The following OXR1 variants were observed in gnomAD, a reference collection of about 807,000 sequenced individuals.
The protein encoded by OXR1 is oxidation resistance protein 1.
In OXR1, 41 loss-of-function variants were observed where a neutral mutation model predicts 104.6. The ratio of observed to expected loss-of-function variants is 0.39; its 90% CI spans 0.31 to 0.51. OXR1 has a LOEUF of 0.51. OXR1 is among the 20% of genes least tolerant of loss of function. OXR1 has a pLI of 0.77. For missense variants in OXR1, 955 were observed against 1,031.9 expected, an observed-to-expected ratio of 0.93 and a Z score of 1.02; for synonymous variants, 348 against 348.4, an observed-to-expected ratio of 1.00 and a Z score of 0.01.
chr8:106,671,785 A>G (rs1827010580), intron 3 of OXR1, among the ~76,000 whole-genome samples: 1 of 128,934 alleles, frequency 7.8e-6, no homozygotes, highest in African/African-American at 3.0e-5. Flanking sequence ...ACTTGGACAC[A>G]GGAAGGGGAA....
At chr8:106,572,876 A>T (rs1817574342) in intron 3 of OXR1, among the ~76,000 whole-genome samples, 2 of 152,118 alleles carry the variant, frequency 1.3e-5, no homozygotes, top group Non-Finnish European at 2.9e-5. Context: ...ATTATAAGGA[A>T]TTGGCTAATG....
In OXR1 at chr8:106,446,595, G is replaced by C. The variant is rs1177594826; in HGVS notation, c.24-72348G>C. On this transcript the variant is annotated intron_variant, in intron 2 of 16. Transcript: ENST00000517566. The stretch of plus-strand genomic sequence containing the variant: ...ATAGCATCACTGCACTCCAGGCTGG[G>C]CAACAGAGCAAGACTCCATCTCAAA... 2.0e-5 allele frequency among the ~76,000 whole-genome samples: 3 copies of C among 151,286 alleles called. No individual in the cohort carries two copies. In the East Asian group the frequency reaches 5.8e-4, roughly 29 times the overall value.
At chr8:106,688,330 G>A (rs1451009133) in intron 6 of OXR1, among the ~76,000 whole-genome samples, 2 of 151,778 alleles carry the variant, frequency 1.3e-5, no homozygotes, top group Non-Finnish European at 2.9e-5. Context: ...ATAAAACATG[G>A]TATAATACTC....
At chr8:106,635,513 T>C (rs1823055864) in intron 3 of OXR1, among the ~76,000 whole-genome samples, 1 of 152,174 alleles carries the variant, frequency 6.6e-6, no homozygotes, top group Non-Finnish European at 1.5e-5. Flanking sequence ...GGCACAATCT[T>C]GGCTCATTGC....
At chr8:106,281,799 C>CAAAAAA (rs59515650) in intron 1 of OXR1, among the ~76,000 whole-genome samples, 10 of 62,896 alleles carry the variant, frequency 1.6e-4, no homozygotes, top group Admixed American at 3.6e-4. Context: ...GACTCTATCT[C>CAAAAAA]AAAAAAAAAA....
chr8:106,479,308 G>T (rs1389941671), intron 2 of OXR1, among the ~76,000 whole-genome samples: 1 of 151,908 alleles, frequency 6.6e-6, no homozygotes, highest in South Asian at 2.1e-4. Context: ...TAATAATTAT[G>T]CATGCCATCA....
At chr8:106,588,551 GA>G (rs1330197387) in intron 3 of OXR1, among the ~76,000 whole-genome samples, 1 of 150,662 alleles carries the variant, frequency 6.6e-6, no homozygotes, top group African/African-American at 2.4e-5. Context: ...GCAGTGGCGC[GA>G]TCTTGGCTCA....
At chr8:106,697,559 G>A (rs1830167732) in intron 7 of OXR1, 18 of 1,611,476 alleles carry the variant, frequency 1.1e-5, no homozygotes, top group Non-Finnish European at 1.4e-5. Context: ...GATTTCTTAG[G>A]GAACCAGTTG....
intron 2 of OXR1, among the ~76,000 whole-genome samples, chr8:106,462,303 G>A (rs768256701): frequency 3.9e-5 from 6 of 152,112 alleles, no homozygotes; most frequent in Non-Finnish European, 7.4e-5. Context: ...TTACCTGATT[G>A]TTATGCTTCA....
chr8:106,571,528 C>A (rs1201280576), intron 3 of OXR1, among the ~76,000 whole-genome samples: 1 of 152,152 alleles, frequency 6.6e-6, no homozygotes, highest in Non-Finnish European at 1.5e-5. Context: ...AGGGGTGTGG[C>A]ATAATTCACT....
chr8:106,528,183 G>A (rs1399671304), intron 3 of OXR1, among the ~76,000 whole-genome samples: 3 of 150,634 alleles, frequency 2.0e-5, no homozygotes, highest in Non-Finnish European at 4.4e-5. Flanking sequence ...CCCTCCTTGT[G>A]TTAAAATGAA....
rs1428718280 is a variant in OXR1 at position 106,551,858 on chromosome 8, A to ATG, written c.220+32720_220+32721insGT. ...TATATGTGTACATATATGTGTATAT[A>ATG]TATGTGTGTGTGTGTGTGTGTGTGT... On this transcript the variant is annotated intron_variant, in intron 3 of 16. Coordinates refer to ENST00000517566, the MANE Select transcript of OXR1 (RefSeq NM_001198533.2). 6.8e-3 allele frequency among the ~76,000 whole-genome samples: 643 copies of ATG among 94,232 alleles called. 18 individuals are homozygous for ATG. The highest frequency in any genetic ancestry group is 0.055 in the Admixed American group (480 of 8,660). The allele number at this position is 94,232 out of a possible 152,430, so 61.8% of individuals were successfully genotyped here.
chr8:106,745,654 T>C, intron 15 of OXR1, 135 bp from the exon 16 acceptor site: 1 of 491,400 alleles, frequency 2.0e-6, no homozygotes, highest in Non-Finnish European at 3.6e-6. Context: ...GAGCCTTCTG[T>C]GCGGAGCTTT....
intron 2 of OXR1, among the ~76,000 whole-genome samples, chr8:106,473,992 A>G (rs1821661839): frequency 7.1e-6 from 1 of 141,368 alleles, no homozygotes; most frequent in Non-Finnish European, 1.5e-5. Context: ...ATTATATATA[A>G]TATATGTATT....
intron 2 of OXR1, among the ~76,000 whole-genome samples, chr8:106,444,588 C>G (rs1819935381): frequency 6.6e-6 from 1 of 152,068 alleles, no homozygotes; most frequent in South Asian, 2.1e-4. Context: ...AACACAGGAA[C>G]AGCGAACCAA....
At chr8:106,584,707 T>C (rs1818502589) in intron 3 of OXR1, among the ~76,000 whole-genome samples, 1 of 152,018 alleles carries the variant, frequency 6.6e-6, no homozygotes, top group Non-Finnish European at 1.5e-5. Flanking sequence ...TTTAAAAATT[T>C]CCCTCCCATT....
intron 2 of OXR1, among the ~76,000 whole-genome samples, chr8:106,471,627 T>A (rs1336575127): frequency 6.6e-6 from 1 of 151,890 alleles, no homozygotes; most frequent in African/African-American, 2.4e-5. Context: ...CCCAATGTTG[T>A]TCCCATGTTC....
intron 11 of OXR1, among the ~76,000 whole-genome samples, chr8:106,735,227 T>A (rs2131545109): frequency 6.6e-6 from 1 of 151,926 alleles, no homozygotes; most frequent in African/African-American, 2.4e-5. Context: ...TTTTTTTTCT[T>A]ACAGTTTTCT....
intron 3 of OXR1, among the ~76,000 whole-genome samples, chr8:106,542,797 A>C (rs1459461507): frequency 6.6e-6 from 1 of 152,162 alleles, no homozygotes; most frequent in East Asian, 1.9e-4. Context: ...AAGAAAAAAA[A>C]TTAATATAAT....
Sources: allele counts gnomAD v4.1 joint callset (sites outside exome capture counted in the v4.1 genomes callset), GRCh38; gene constraint gnomAD v4.1.1; transcripts MANE v1.5; gene names NCBI Gene and HGNC (gene_info 2026-07-23, HGNC 2026-07-21).